Variants in FAM171B observed in about 807,000 individuals in gnomAD.
The protein encoded by FAM171B is family with sequence similarity 171 member B, also known as protein FAM171B.
In FAM171B, 19 loss-of-function variants were observed where a neutral mutation model predicts 75.6. The observed-to-expected ratio is 0.25, with a 90% CI of 0.18 to 0.37. FAM171B has a LOEUF of 0.37. Ranked by LOEUF, FAM171B falls within the 10% of genes least tolerant of loss-of-function variation. The probability of loss-of-function intolerance (pLI) is 1.00; values close to 1 mark genes in which losing one functional copy is unlikely to be tolerated. For missense variants in FAM171B, 848 were observed against 982.4 expected (o/e 0.86, Z 1.83); for synonymous variants, 367 against 361.7 (o/e 1.01, Z -0.17).
intron 6 of FAM171B, among the ~76,000 whole-genome samples, chr2:186,760,717 T>C (rs906557621): frequency 6.6e-6 from 1 of 151,984 alleles, no homozygotes; most frequent in Non-Finnish European, 1.5e-5. Flanking sequence ...AACGCTTATT[T>C]GCTACTTAAC....
chr2:186,738,022 T>A (rs1331550219), intron 1 of FAM171B, among the ~76,000 whole-genome samples: 1 of 152,086 alleles, frequency 6.6e-6, no homozygotes, highest in East Asian at 1.9e-4. Context: ...GGCTTCTGTG[T>A]TGGGTGCTGG....
chr2:186,738,524 T>A (rs977165233), intron 1 of FAM171B, among the ~76,000 whole-genome samples: 1 of 151,500 alleles, frequency 6.6e-6, no homozygotes, highest in Non-Finnish European at 1.5e-5. Flanking sequence ...AAAGGCATCA[T>A]CCAAAAGGAA....
At chr2:186,704,346 A>T (rs908021865) in intron 1 of FAM171B, among the ~76,000 whole-genome samples, 1 of 152,188 alleles carries the variant, frequency 6.6e-6, no homozygotes, top group Non-Finnish European at 1.5e-5. Context: ...TTTTTAAAAA[A>T]ACAGAAGTAT....
At chr2:186,760,344 G>A (rs1242720511) in intron 6 of FAM171B, among the ~76,000 whole-genome samples, 1 of 151,922 alleles carries the variant, frequency 6.6e-6, no homozygotes, top group African/African-American at 2.4e-5. Flanking sequence ...TAGAATTTTT[G>A]TATTCTATTT....
At chr2:186,706,604 G>A (rs1689736454) in intron 1 of FAM171B, among the ~76,000 whole-genome samples, 1 of 152,190 alleles carries the variant, frequency 6.6e-6, no homozygotes, top group South Asian at 2.1e-4. Flanking sequence ...TTGGAAAGCT[G>A]CAGCTTTAGA....
intron 1 of FAM171B, among the ~76,000 whole-genome samples, chr2:186,715,932 A>G (rs1376792860): frequency 6.6e-6 from 1 of 152,230 alleles, no homozygotes; most frequent in Non-Finnish European, 1.5e-5. Context: ...TCGATATGTA[A>G]TGGGTACCCA....
At position 186,762,207 on chromosome 2, in the gene FAM171B, G is replaced by A. The variant is rs773857316; in HGVS notation, c.1865G>A (p.Arg622Gln). The change falls in exon 8 of 8, where the codon CGA becomes CAA. Residue 622 changes from arginine (R) to glutamine (Q), a missense_variant. Physicochemically the swap from Arg to Gln is conservative, Grantham distance 43. This residue lies in a region of FAM171B where 47 missense variants were observed against 94.0 expected (regional missense o/e 0.50). Coordinates refer to ENST00000304698, the MANE Select transcript of FAM171B (RefSeq NM_177454.4). This position sits in a 1 kb window ranked among gnomAD's most constrained non-coding sequence, Gnocchi z 4.0. ...CCATCCCAGGCTTCAGATTGGAGCC[G>A]ATACTCAAGCAGCTTACTGGAATCC... ...SLPSQASDWS[R>Q]YSSSLLESVS... 3.7e-6 allele frequency: 6 copies of A among 1,613,566 alleles called. No individual in the cohort carries two copies. The highest frequency in any genetic ancestry group is 1.3e-5 in the African/African-American group (1 of 74,866).
intron 1 of FAM171B, among the ~76,000 whole-genome samples, chr2:186,727,328 A>G (rs1331648468): frequency 1.3e-5 from 2 of 152,156 alleles, no homozygotes; most frequent in Non-Finnish European, 2.9e-5. Context: ...ACTTTGAAGG[A>G]TAGGTTAGGA....
rs148371815 is a variant in FAM171B at position 186,764,197 on chromosome 2, G to C, written c.*1374G>C. On this transcript the variant is annotated 3_prime_UTR_variant, in exon 8 of 8. Coordinates refer to ENST00000304698, the MANE Select transcript of FAM171B (RefSeq NM_177454.4). ...CTTGTGGGGGTAAAAATCCTAAATT[G>C]CTTTATTTTTCATTCCCTCCTATTC... 44 of 152,046 alleles carry C rather than the reference G, an allele frequency of 2.9e-4. No individual in the cohort carries two copies. The highest frequency in any genetic ancestry group is 1.0e-3 in the African/African-American group (43 of 41,506). The allele number at this position is 152,046 out of a possible 1,614,324, so 9.4% of individuals were successfully genotyped here.
At chr2:186,733,509 C>T (rs530905322) in intron 1 of FAM171B, among the ~76,000 whole-genome samples, 45 of 152,298 alleles carry the variant, frequency 3.0e-4, no homozygotes, top group African/African-American at 1.0e-3. Flanking sequence ...CTCCTTTGCC[C>T]AAGTTTTGCT....
At chr2:186,747,006 C>A in intron 3 of FAM171B, 86 bp from the exon 4 acceptor site, 3 of 958,488 alleles carry the variant, frequency 3.1e-6, no homozygotes, top group South Asian at 2.1e-5. Flanking sequence ...ATTATAATTG[C>A]TTCTTTTAAA....
intron 3 of FAM171B, among the ~76,000 whole-genome samples, chr2:186,743,964 C>T (rs185722094): frequency 3.2e-4 from 48 of 152,224 alleles, no homozygotes; most frequent in Admixed American, 6.5e-4. Flanking sequence ...TTAAATTTGT[C>T]GCTTTTTGGG....
At chr2:186,723,303 A>T (rs1362463657) in intron 1 of FAM171B, among the ~76,000 whole-genome samples, 1 of 152,224 alleles carries the variant, frequency 6.6e-6, no homozygotes, top group Non-Finnish European at 1.5e-5. Flanking sequence ...ATAATTTGAA[A>T]CACCTGGAGG....
intron 1 of FAM171B, among the ~76,000 whole-genome samples, chr2:186,725,283 G>A (rs1482724932): frequency 2.0e-5 from 3 of 151,124 alleles, no homozygotes; most frequent in Non-Finnish European, 2.9e-5. Context: ...GGCGGAGCTT[G>A]CAGTGAGCCG....
chr2:186,696,966 G>T (rs1689591212), intron 1 of FAM171B, among the ~76,000 whole-genome samples: 1 of 151,808 alleles, frequency 6.6e-6, no homozygotes. Context: ...GCACCTGGTT[G>T]GTACCCATAG....
intron 6 of FAM171B, among the ~76,000 whole-genome samples, chr2:186,755,157 A>C (rs1690515544): frequency 6.6e-6 from 1 of 152,182 alleles, no homozygotes; most frequent in African/African-American, 2.4e-5. Flanking sequence ...TTAAATTTTG[A>C]AAAAAGAAAA....
Position 186,763,955 on chromosome 2 carries a change from T to G in FAM171B, c.*1132T>G, listed in dbSNP as rs1690661968. ...CAGGGGAAAAGTAAAAGTTTTTCCC[T>G]AAGTCACTTAAAGCCTTTGCAACTT... On this transcript the variant is annotated 3_prime_UTR_variant, in exon 8 of 8. Transcript: ENST00000304698. 1 of 152,118 alleles carries G rather than the reference T, an allele frequency of 6.6e-6. No homozygotes were observed. The highest frequency in any genetic ancestry group is 2.4e-5 in the African/African-American group (1 of 41,460). The allele number at this position is 152,118 out of a possible 1,614,324, so 9.4% of individuals were successfully genotyped here. A position where few individuals can be genotyped will look rare whatever the true frequency, so the allele number is the denominator to read the frequency against.
intron 5 of FAM171B, among the ~76,000 whole-genome samples, chr2:186,752,227 A>G (rs1192857430): frequency 1.3e-5 from 2 of 152,136 alleles, no homozygotes; most frequent in East Asian, 3.8e-4. Context: ...GAATGCACAG[A>G]TTTATTTAGA....
At chr2:186,747,981 G>C (rs953655454) in intron 4 of FAM171B, among the ~76,000 whole-genome samples, 3 of 152,048 alleles carry the variant, frequency 2.0e-5, no homozygotes, top group African/African-American at 7.2e-5. Context: ...GGAGTGCAGT[G>C]GCATGATTTT....
Sources: allele counts gnomAD v4.1 joint callset (sites outside exome capture counted in the v4.1 genomes callset), GRCh38; gene constraint gnomAD v4.1.1; regional missense constraint gnomAD v4.1.1; non-coding constraint Gnocchi (gnomAD v3.1); transcripts MANE v1.5; gene names NCBI Gene and HGNC (gene_info 2026-07-23, HGNC 2026-07-21).